Variants in PPARGC1A observed in about 807,000 individuals in gnomAD.
The protein encoded by PPARGC1A is PPARG coactivator 1 alpha, also known as peroxisome proliferator-activated receptor gamma coactivator 1-alpha.
PPARGC1A carries 25 observed loss-of-function variants against 88.7 expected under a neutral mutation model. That is an observed-to-expected ratio of 0.28 (90% CI 0.21 to 0.39). The LOEUF is 0.39. Among genes scored for constraint, PPARGC1A ranks in the 10% least tolerant of loss-of-function variants. The probability of loss-of-function intolerance (pLI) is 1.00; values close to 1 mark genes in which losing one functional copy is unlikely to be tolerated. For missense variants in PPARGC1A, 880 were observed against 968.7 expected (o/e 0.91, Z 1.22); for synonymous variants, 363 against 355.6 (o/e 1.02, Z -0.24).
At chr4:24,125,991 T>C in the PPARGC1A span, among the ~76,000 whole-genome samples, 2 of 152,170 alleles carry the variant, frequency 1.3e-5, no homozygotes, top group African/African-American at 4.8e-5. Context: ...TGAAATGAGG[T>C]TGCTCTTTAA....
the PPARGC1A span, among the ~76,000 whole-genome samples, chr4:24,085,732 A>T: frequency 1.3e-5 from 2 of 152,220 alleles, no homozygotes; most frequent in Admixed American, 1.3e-4. Context: ...TTGCAAAATT[A>T]TCTCCTCATG....
chr4:23,913,246 A>ATATATATATATATATTATATATTT, the PPARGC1A span, among the ~76,000 whole-genome samples: 4 of 39,868 alleles, frequency 1.0e-4, no homozygotes, highest in Admixed American at 3.8e-4. Context: ...TATATTTTAT[A>ATATATATATATATATTATATATTT]TATATATATA....
chr4:23,937,750 CA>C, the PPARGC1A span, among the ~76,000 whole-genome samples: 1 of 152,152 alleles, frequency 6.6e-6, no homozygotes, highest in Non-Finnish European at 1.5e-5. Context: ...AATAGATCTC[CA>C]CCAGGGACAG....
the PPARGC1A span, among the ~76,000 whole-genome samples, chr4:23,974,037 G>A: frequency 1.3e-5 from 2 of 152,142 alleles, no homozygotes; most frequent in South Asian, 2.1e-4. Context: ...ATCAAAGAGA[G>A]GGACTTCTGA....
chr4:24,443,564 T>C, the PPARGC1A span, among the ~76,000 whole-genome samples: 1 of 151,760 alleles, frequency 6.6e-6, no homozygotes, highest in Admixed American at 6.6e-5. Context: ...TTTGTTTTTA[T>C]ATATTTATTG....
At chr4:24,467,831 C>CT in the PPARGC1A span, among the ~76,000 whole-genome samples, 1 of 152,116 alleles carries the variant, frequency 6.6e-6, no homozygotes, top group South Asian at 2.1e-4. Context: ...AGATAGTTCC[C>CT]TTATGAAGAT....
chr4:23,994,535 C>T, the PPARGC1A span, among the ~76,000 whole-genome samples: 1 of 152,056 alleles, frequency 6.6e-6, no homozygotes, highest in Non-Finnish European at 1.5e-5. Context: ...ACTAATATAG[C>T]ACTAATAAAG....
At chr4:24,248,501 G>C in the PPARGC1A span, among the ~76,000 whole-genome samples, 1 of 151,920 alleles carries the variant, frequency 6.6e-6, no homozygotes, top group Non-Finnish European at 1.5e-5. Context: ...AAAAAAAAGT[G>C]TATTATCAGC....
intron 2 of PPARGC1A, chr4:23,882,260 C>G (rs1467824507): frequency 1.3e-5 from 2 of 152,162 alleles, no homozygotes; most frequent in African/African-American, 2.4e-5. Context: ...AGTCCTGGAG[C>G]CCCAGGCATC....
At chr4:24,265,247 C>T in the PPARGC1A span, among the ~76,000 whole-genome samples, 2 of 152,230 alleles carry the variant, frequency 1.3e-5, no homozygotes, top group South Asian at 4.2e-4. Context: ...TTTGTGCACA[C>T]CAAGAAAGCC....
chr4:24,417,178 A>G, the PPARGC1A span, among the ~76,000 whole-genome samples: 2 of 152,160 alleles, frequency 1.3e-5, no homozygotes, highest in Non-Finnish European at 2.9e-5. Flanking sequence ...AGCAGGGAGG[A>G]AACAGAATGT....
chr4:23,858,278 G>A (rs1159675483), intron 2 of PPARGC1A, among the ~76,000 whole-genome samples: 2 of 152,068 alleles, frequency 1.3e-5, no homozygotes, highest in African/African-American at 4.8e-5. Context: ...AGCTCCAGGA[G>A]GGCAGGATTT....
upstream of PPARGC1A, among the ~76,000 whole-genome samples, chr4:23,900,755 CT>C (rs1160971685): frequency 6.6e-6 from 1 of 152,206 alleles, no homozygotes; most frequent in Admixed American, 6.5e-5. Flanking sequence ...TGCCAGGTGC[CT>C]GTTTGTTTCT....
the PPARGC1A span, among the ~76,000 whole-genome samples, chr4:24,116,011 G>A: frequency 1.3e-5 from 2 of 152,068 alleles, no homozygotes; most frequent in Non-Finnish European, 2.9e-5. Flanking sequence ...TCCAGTTATT[G>A]GAACTGACAC....
At chr4:24,305,084 G>T in the PPARGC1A span, among the ~76,000 whole-genome samples, 4 of 149,998 alleles carry the variant, frequency 2.7e-5, no homozygotes, top group African/African-American at 9.8e-5. Flanking sequence ...ACATAAGAAT[G>T]GTGGTTGTTT....
the PPARGC1A span, among the ~76,000 whole-genome samples, chr4:23,944,363 T>G: frequency 6.6e-6 from 1 of 152,310 alleles, no homozygotes; most frequent in African/African-American, 2.4e-5. Flanking sequence ...CACCCTGAAC[T>G]TCTCCCATCA....
the PPARGC1A span, among the ~76,000 whole-genome samples, chr4:24,387,926 G>GAAAA: frequency 6.3e-5 from 1 of 15,958 alleles, no homozygotes; most frequent in African/African-American, 1.2e-4. Flanking sequence ...AAGAAAGAAA[G>GAAAA]AAAGAAAGAG....
At chr4:23,910,348 TTA>T in the PPARGC1A span, among the ~76,000 whole-genome samples, 30 of 59,820 alleles carry the variant, frequency 5.0e-4, 1 homozygote, top group African/African-American at 8.1e-4. Flanking sequence ...ATATTATATA[TTA>T]TATATATTAT....
At chr4:24,268,139 G>A in the PPARGC1A span, among the ~76,000 whole-genome samples, 2 of 152,170 alleles carry the variant, frequency 1.3e-5, no homozygotes, top group Non-Finnish European at 2.9e-5. Context: ...TCCATGTCAT[G>A]GATCTTACAT....
Sources: allele counts gnomAD v4.1 joint callset (sites outside exome capture counted in the v4.1 genomes callset), GRCh38; gene constraint gnomAD v4.1.1; transcripts MANE v1.5; gene names NCBI Gene and HGNC (gene_info 2026-07-23, HGNC 2026-07-21).